The following SEZ6 variants were observed in gnomAD, a reference collection of about 807,000 sequenced individuals.
SEZ6 encodes the protein seizure related 6 homolog, also known as seizure protein 6 homolog.
A neutral mutation model predicts 101.0 loss-of-function variants in SEZ6; 53 were observed. The observed-to-expected ratio is 0.52, with a 90% CI of 0.42 to 0.66. The LOEUF is 0.66. SEZ6 is among the 30% of genes least tolerant of loss of function. The pLI is 0.00. For missense variants in SEZ6, 1,102 were observed against 1,289.4 expected, an observed-to-expected ratio of 0.85 and a Z score of 2.23; for synonymous variants, 488 against 512.2, an observed-to-expected ratio of 0.95 and a Z score of 0.64.
At chr17:28,964,697 A>G (rs953353321) in intron 4 of SEZ6, among the ~76,000 whole-genome samples, 4 of 152,242 alleles carry the variant, frequency 2.6e-5, no homozygotes, top group African/African-American at 9.6e-5. Context: ...CAGACAGTAA[A>G]GGCTTTCCCA....
chr17:28,981,301 A>G (rs2041297549), intron 2 of SEZ6, 70 bp downstream of exon 2: 1 of 1,488,292 alleles, frequency 6.7e-7, no homozygotes, highest in South Asian at 1.3e-5. Context: ...AGTGTCAGAG[A>G]CAGGCTTTTA....
intron 2 of SEZ6, among the ~76,000 whole-genome samples, chr17:28,981,159 G>A (rs896596186): frequency 2.0e-5 from 3 of 152,216 alleles, no homozygotes; most frequent in Admixed American, 1.3e-4. Flanking sequence ...GCCTCCCAAA[G>A]TGCTGGGATT....
intron 1 of SEZ6, among the ~76,000 whole-genome samples, chr17:29,003,240 A>T (rs2041638707): frequency 6.6e-6 from 1 of 152,100 alleles, no homozygotes; most frequent in African/African-American, 2.4e-5. Flanking sequence ...TTTTTCCTCC[A>T]CTGTGGCTGG....
chr17:28,956,105 A>G, intron 16 of SEZ6, 54 bp downstream of exon 16: 5 of 1,597,632 alleles, frequency 3.1e-6, no homozygotes, highest in Non-Finnish European at 4.3e-6. Flanking sequence ...ATCTGCCCAA[A>G]GAAGCAAAGA....
intron 1 of SEZ6, among the ~76,000 whole-genome samples, chr17:28,995,880 G>A (rs559103441): frequency 6.6e-6 from 1 of 152,228 alleles, no homozygotes; most frequent in South Asian, 2.1e-4. Context: ...TGCAAGGACA[G>A]TACTGGAGGT....
chr17:29,003,999 T>C (rs2041651358), intron 1 of SEZ6, among the ~76,000 whole-genome samples: 1 of 152,038 alleles, frequency 6.6e-6, no homozygotes, highest in Non-Finnish European at 1.5e-5. Context: ...ACACCAGCCT[T>C]CCTCCTGGAT....
In SEZ6 at chr17:28,955,795, G is replaced by A. The variant is rs760547336; in HGVS notation, c.*167C>T. On this transcript the variant is annotated 3_prime_UTR_variant, in exon 17 of 17. Transcript: ENST00000317338. ...ACACCAAGAAAATAGGCCATGGTGG[G>A]CATCGCAGGCGGGGAAGGGCACAAC... The A allele has an allele frequency of 8.8e-6, 7 of 799,772 alleles. No homozygotes were observed. The highest frequency in any genetic ancestry group is 3.4e-5 in the African/African-American group (2 of 58,796). The allele number at this position is 799,772 out of a possible 1,614,324, so 49.5% of individuals were successfully genotyped here. A position where few individuals can be genotyped will look rare whatever the true frequency, so the allele number is the denominator to read the frequency against.
chr17:28,973,355 G>C (rs747985031), intron 3 of SEZ6, among the ~76,000 whole-genome samples: 9 of 152,226 alleles, frequency 5.9e-5, no homozygotes, highest in Non-Finnish European at 1.2e-4. Flanking sequence ...GGTTTAGCAA[G>C]GAGGTGGGTC....
intron 3 of SEZ6, 109 bp downstream of exon 3, chr17:28,979,571 C>T (rs1385454305): frequency 6.6e-7 from 1 of 1,509,326 alleles, no homozygotes; most frequent in Non-Finnish European, 9.0e-7. Flanking sequence ...GGCGATGCCC[C>T]ACAATTGATG....
In SEZ6 at chr17:28,977,799, G is replaced by A. The variant is rs113791675; in HGVS notation, c.858+1881C>T. 4.3e-3 allele frequency among the ~76,000 whole-genome samples: 659 copies of A among 152,316 alleles called. 2 individuals are homozygous for A. Among genetic ancestry groups the A allele is most frequent in the African/African-American group, 0.015 (627 of 41,570 alleles). On this transcript the variant is annotated intron_variant, in intron 3 of 16. Coordinates refer to ENST00000317338, the MANE Select transcript of SEZ6 (RefSeq NM_178860.5). ...ACCCCCTTTCCCACACCTGCAGCTG[G>A]TGCTTTCCACCCAGTGAGCCACAGC...
intron 3 of SEZ6, among the ~76,000 whole-genome samples, chr17:28,977,726 C>T (rs888780564): frequency 6.6e-6 from 1 of 152,108 alleles, no homozygotes; most frequent in Non-Finnish European, 1.5e-5. Context: ...GCAGACAGAG[C>T]CTCCCAGGCC....
At chr17:28,997,148 G>A (rs2041553864) in intron 1 of SEZ6, among the ~76,000 whole-genome samples, 2 of 152,126 alleles carry the variant, frequency 1.3e-5, no homozygotes, top group South Asian at 2.1e-4. Flanking sequence ...GGCTCTGCCA[G>A]GAGATGCGTG....
chr17:28,979,919 GTGT>G, intron 2 of SEZ6, 106 bp from the exon 3 acceptor site: 1 of 1,137,744 alleles, frequency 8.8e-7, no homozygotes, highest in Non-Finnish European at 1.2e-6. Flanking sequence ...GTGTGTGTGT[GTGT>G]GTGGTGAAGA....
At chr17:28,960,465 C>A in intron 7 of SEZ6, 40 bp downstream of exon 7, 1 of 1,565,158 alleles carries the variant, frequency 6.4e-7, no homozygotes, top group Non-Finnish European at 8.6e-7. Context: ...AGCCCATCCC[C>A]GTGGACCCGC....
intron 1 of SEZ6, among the ~76,000 whole-genome samples, chr17:28,988,683 C>A (rs1228939577): frequency 6.6e-6 from 1 of 152,216 alleles, no homozygotes; most frequent in African/African-American, 2.4e-5. Context: ...TCTTGGTCAA[C>A]CCCTGCAGTC....
At chr17:29,002,352 A>G (rs1425583237) in intron 1 of SEZ6, among the ~76,000 whole-genome samples, 1 of 152,152 alleles carries the variant, frequency 6.6e-6, no homozygotes, top group African/African-American at 2.4e-5. Context: ...ATGGAAGCTC[A>G]GTTTCTAATT....
At chr17:28,966,986 TG>T (rs2041080445) in intron 4 of SEZ6, among the ~76,000 whole-genome samples, 1 of 152,180 alleles carries the variant, frequency 6.6e-6, no homozygotes, top group Admixed American at 6.5e-5. Context: ...TCAGACTGCC[TG>T]GGTTTGAATG....
intron 7 of SEZ6, chr17:28,960,258 C>A: frequency 1.6e-6 from 1 of 606,088 alleles, no homozygotes; most frequent in Non-Finnish European, 2.9e-6. Context: ...TTTTCAAAAT[C>A]TGGAGAATTT....
intron 5 of SEZ6, 61 bp from the exon 6 acceptor site, chr17:28,961,034 G>C (rs948524118): frequency 2.6e-6 from 4 of 1,556,678 alleles, no homozygotes; most frequent in Non-Finnish European, 3.5e-6. Flanking sequence ...AGCCTAACAT[G>C]CCTTCCTCCC....
Sources: allele counts gnomAD v4.1 joint callset (sites outside exome capture counted in the v4.1 genomes callset), GRCh38; gene constraint gnomAD v4.1.1; transcripts MANE v1.5; gene names NCBI Gene and HGNC (gene_info 2026-07-23, HGNC 2026-07-21).